GOLPH3L: variants seen among roughly 807,000 people sequenced by gnomAD.
GOLPH3L encodes golgi phosphoprotein 3 like, also known as Golgi phosphoprotein 3-like.
GOLPH3L carries 22 observed loss-of-function variants against 30.3 expected under a neutral mutation model. The ratio of observed to expected loss-of-function variants is 0.73; its 90% CI spans 0.52 to 1.04. The LOEUF (loss-of-function observed/expected upper bound fraction) is 1.04. Ranked by LOEUF, GOLPH3L falls within the 50% of genes least tolerant of loss-of-function variation. The pLI is 0.00. For missense variants in GOLPH3L, 303 were observed against 345.8 expected (o/e 0.88, Z 0.98); for synonymous variants, 120 against 128.2 (o/e 0.94, Z 0.43).
intron 4 of GOLPH3L, among the ~76,000 whole-genome samples, chr1:150,659,460 C>A (rs147781256): frequency 0.02 from 3,102 of 152,330 alleles, 35 homozygotes; most frequent in Non-Finnish European, 0.032. Flanking sequence ...AGGACATGTT[C>A]ATGCTGCAGA....
At chr1:150,674,262 A>G (rs1475312109) in intron 2 of GOLPH3L, among the ~76,000 whole-genome samples, 1 of 145,504 alleles carries the variant, frequency 6.9e-6, no homozygotes, top group African/African-American at 2.5e-5. Flanking sequence ...GAGTGGGAGA[A>G]TTTTTTTTTT....
At chr1:150,664,086 C>G (rs1374429562) in intron 2 of GOLPH3L, among the ~76,000 whole-genome samples, 1 of 151,996 alleles carries the variant, frequency 6.6e-6, no homozygotes, top group African/African-American at 2.4e-5. Flanking sequence ...GCAGCCTTGA[C>G]CTCCTGGGCT....
intron 2 of GOLPH3L, among the ~76,000 whole-genome samples, chr1:150,667,927 G>T (rs587760027): frequency 6.6e-6 from 1 of 151,932 alleles, no homozygotes; most frequent in Admixed American, 6.6e-5. Context: ...TTCCCCTATT[G>T]GCCTTTGCAC....
In GOLPH3L at chr1:150,687,145, G is replaced by T. The variant is rs587765289; in HGVS notation, c.183+7511C>A. Reference sequence around the variant, plus strand: ...ATTTTTTTTTTTAAGACAAGGTCTTGTTCTTTGCTCGGCCTGCTATTAATA... The same window carrying T: ...ATTTTTTTTTTTAAGACAAGGTCTTTTTCTTTGCTCGGCCTGCTATTAATA... On this transcript the variant is annotated intron_variant, in intron 2 of 4. Coordinates refer to ENST00000271732, the MANE Select transcript of GOLPH3L (RefSeq NM_018178.6). 5.9e-5 allele frequency among the ~76,000 whole-genome samples: 9 copies of T among 151,950 alleles called. No individual in the cohort carries two copies. The South Asian group carries it at 1.9e-3, about 32-fold the overall frequency.
At chr1:150,660,568 G>A (rs1650345692) in intron 4 of GOLPH3L, among the ~76,000 whole-genome samples, 1 of 152,144 alleles carries the variant, frequency 6.6e-6, no homozygotes, top group South Asian at 2.1e-4. Flanking sequence ...AAACGAAAGT[G>A]TTATATACAT....
At chr1:150,676,379 C>T (rs1368376585) in intron 2 of GOLPH3L, among the ~76,000 whole-genome samples, 2 of 151,928 alleles carry the variant, frequency 1.3e-5, no homozygotes, top group African/African-American at 2.4e-5. Context: ...ACCCACCCCA[C>T]CCAAACCCAG....
chr1:150,681,545 G>A (rs1221263656), intron 2 of GOLPH3L, among the ~76,000 whole-genome samples: 1 of 152,128 alleles, frequency 6.6e-6, no homozygotes, highest in Non-Finnish European at 1.5e-5. Context: ...AGGTTAGTCA[G>A]ATGAAGTGGG....
At chr1:150,693,797 A>ATGTGTGTGTGTGTGTG (rs796936730) in intron 2 of GOLPH3L, among the ~76,000 whole-genome samples, 837 of 60,806 alleles carry the variant, frequency 0.014, 10 homozygotes, top group Non-Finnish European at 0.016. Context: ...TTGTTTATGT[A>ATGTGTGTGTGTGTGTG]TGTGTGTGTG....
At position 150,647,689 on chromosome 1, in the gene GOLPH3L, G is replaced by A. The variant is rs1039006567; in HGVS notation, c.*632C>T. On this transcript the variant is annotated 3_prime_UTR_variant, in exon 5 of 5. Transcript: ENST00000271732. Reference sequence around the variant, plus strand: ...AGCAAGAGAATGCTAAGAGGGATGAGAGAATATATTTCTGGCTCTAGGACT... The same window carrying A: ...AGCAAGAGAATGCTAAGAGGGATGAAAGAATATATTTCTGGCTCTAGGACT... 3 of 152,654 alleles carry A rather than the reference G, an allele frequency of 2.0e-5. No individual in the cohort carries two copies. The highest frequency in any genetic ancestry group is 4.4e-5 in the Non-Finnish European group (3 of 68,074). The allele number at this position is 152,654 out of a possible 1,614,324, so 9.5% of individuals were successfully genotyped here. A position where few individuals can be genotyped will look rare whatever the true frequency, so the allele number is the denominator to read the frequency against.
At chr1:150,695,859 T>G (rs1471648770) in intron 1 of GOLPH3L, among the ~76,000 whole-genome samples, 1 of 151,886 alleles carries the variant, frequency 6.6e-6, no homozygotes, top group East Asian at 1.9e-4. Context: ...CAAACAAAAA[T>G]TACTGGCAAG....
At chr1:150,662,691 T>C (rs975912883) in intron 3 of GOLPH3L, among the ~76,000 whole-genome samples, 2 of 152,030 alleles carry the variant, frequency 1.3e-5, no homozygotes, top group Non-Finnish European at 2.9e-5. Flanking sequence ...AAGGAAACAG[T>C]GTATAGTCAG....
chr1:150,658,129 G>C (rs1436190250), intron 4 of GOLPH3L, among the ~76,000 whole-genome samples: 1 of 152,204 alleles, frequency 6.6e-6, no homozygotes, highest in Non-Finnish European at 1.5e-5. Flanking sequence ...ATTCCGGGAG[G>C]ATCCCGAGGA....
intron 1 of GOLPH3L, among the ~76,000 whole-genome samples, chr1:150,696,703 T>C (rs1339844239): frequency 1.3e-5 from 2 of 149,828 alleles, no homozygotes; most frequent in East Asian, 3.9e-4. Context: ...ATGAAATAAA[T>C]TCTTAAGCGC....
intron 4 of GOLPH3L, among the ~76,000 whole-genome samples, chr1:150,657,420 G>C (rs1437639641): frequency 1.3e-5 from 2 of 152,246 alleles, no homozygotes; most frequent in African/African-American, 4.8e-5. Context: ...TTGTCAAATG[G>C]TATATTCCTC....
At chr1:150,682,964 C>T (rs1262087214) in intron 2 of GOLPH3L, among the ~76,000 whole-genome samples, 1 of 152,190 alleles carries the variant, frequency 6.6e-6, no homozygotes, top group Non-Finnish European at 1.5e-5. Context: ...TACCTTTCTC[C>T]TAGTACTTAC....
At chr1:150,675,516 G>T (rs915010327) in intron 2 of GOLPH3L, among the ~76,000 whole-genome samples, 1 of 151,862 alleles carries the variant, frequency 6.6e-6, no homozygotes, top group African/African-American at 2.4e-5. Flanking sequence ...CATAGCAAAG[G>T]TTTGTGTGAA....
At chr1:150,653,318 C>T (rs587634885) in intron 4 of GOLPH3L, among the ~76,000 whole-genome samples, 18 of 137,982 alleles carry the variant, frequency 1.3e-4, no homozygotes, top group East Asian at 1.0e-3. Flanking sequence ...TTTTTTGAGA[C>T]GGAGTCTCAC....
intron 2 of GOLPH3L, among the ~76,000 whole-genome samples, chr1:150,687,611 A>AT (rs920036891): frequency 3.9e-5 from 6 of 151,956 alleles, no homozygotes; most frequent in South Asian, 2.1e-4. Context: ...TGATTAGTGA[A>AT]TTTTTTTTAC....
At chr1:150,677,953 T>G (rs1650853707) in intron 2 of GOLPH3L, among the ~76,000 whole-genome samples, 1 of 151,622 alleles carries the variant, frequency 6.6e-6, no homozygotes. Context: ...ATAAGAGATA[T>G]GTCATGATGT....
Sources: allele counts gnomAD v4.1 joint callset (sites outside exome capture counted in the v4.1 genomes callset), GRCh38; gene constraint gnomAD v4.1.1; transcripts MANE v1.5; gene names NCBI Gene and HGNC (gene_info 2026-07-23, HGNC 2026-07-21).